LCOR: variants seen among roughly 807,000 people sequenced by gnomAD.
LCOR encodes ligand-dependent corepressor.
In LCOR, 14 loss-of-function variants were observed where a neutral mutation model predicts 64.4. That is an observed-to-expected ratio of 0.22 (90% CI 0.14 to 0.34). The LOEUF is 0.34. Ranked by LOEUF, LCOR falls within the 10% of genes least tolerant of loss-of-function variation. The pLI is 1.00. For synonymous variants in LCOR, 643 were observed against 642.5 expected, an observed-to-expected ratio of 1.00 and a Z score of -0.01; for missense variants, 1,686 against 1,765.3, an observed-to-expected ratio of 0.96 and a Z score of 0.80.
chr10:96,876,712 G>T (rs1454298222), intron 2 of LCOR, among the ~76,000 whole-genome samples: 1 of 151,928 alleles, frequency 6.6e-6, no homozygotes, highest in African/African-American at 2.4e-5. Context: ...CTTTTGAGAC[G>T]GAGTTTCGCT....
rs115593627 is a variant in LCOR at position 96,895,946 on chromosome 10, G to T, written c.-329-11319G>T. On this transcript the variant is annotated intron_variant, in intron 2 of 7. Coordinates refer to ENST00000421806, the MANE Select transcript of LCOR (RefSeq NM_001346516.2). Reference sequence around the variant, plus strand: ...AAAATTTAAAAATTAACTAGCTGTTGTGATGCATGCCTGTAGTCCAAGCTG... The same window carrying T: ...AAAATTTAAAAATTAACTAGCTGTTTTGATGCATGCCTGTAGTCCAAGCTG... Among the ~76,000 whole-genome samples, 778 of 152,240 alleles carry T rather than the reference G, an allele frequency of 5.1e-3. 7 individuals are homozygous for T. The highest frequency in any genetic ancestry group is 0.018 in the African/African-American group (737 of 41,524).
At chr10:96,846,730 TA>T (rs1845636283) in intron 2 of LCOR, among the ~76,000 whole-genome samples, 1 of 152,172 alleles carries the variant, frequency 6.6e-6, no homozygotes, top group African/African-American at 2.4e-5. Flanking sequence ...TTAAAATAAA[TA>T]GACATATACT....
intron 2 of LCOR, among the ~76,000 whole-genome samples, chr10:96,905,607 A>AC (rs1322303026): frequency 5.9e-5 from 9 of 151,776 alleles, no homozygotes; most frequent in African/African-American, 2.2e-4. Flanking sequence ...CCACAGCCCT[A>AC]CCCCAACCCT....
intron 2 of LCOR, among the ~76,000 whole-genome samples, chr10:96,891,530 C>CTTT (rs71007307): frequency 3.9e-4 from 3 of 7,642 alleles, no homozygotes; most frequent in African/African-American, 8.3e-4. Context: ...TGTCTTGACT[C>CTTT]TTTTTTTTTT....
intron 2 of LCOR, among the ~76,000 whole-genome samples, chr10:96,886,343 A>G (rs867994641): frequency 6.6e-6 from 1 of 152,162 alleles, no homozygotes; most frequent in East Asian, 1.9e-4. Context: ...TATTTGAGTT[A>G]TGCTTACCAG....
At chr10:96,844,430 T>C (rs1845593356) in intron 2 of LCOR, among the ~76,000 whole-genome samples, 1 of 152,074 alleles carries the variant, frequency 6.6e-6, no homozygotes, top group Non-Finnish European at 1.5e-5. Context: ...CCCGTCTTTG[T>C]TTCTAATTAC....
intron 2 of LCOR, among the ~76,000 whole-genome samples, chr10:96,884,457 C>T (rs753959218): frequency 2.0e-5 from 3 of 152,152 alleles, no homozygotes; most frequent in Non-Finnish European, 4.4e-5. Flanking sequence ...TTCTCTGTAC[C>T]TCGGAAGAGA....
intron 2 of LCOR, among the ~76,000 whole-genome samples, chr10:96,905,950 C>T (rs1846719700): frequency 6.6e-6 from 1 of 152,146 alleles, no homozygotes; most frequent in Non-Finnish European, 1.5e-5. Flanking sequence ...CCATCTTCTT[C>T]TTCTTATAGC....
In LCOR at chr10:96,832,331, G is replaced by T. The variant is rs1027449967; in HGVS notation, c.-472G>T. The T allele has an allele frequency of 1.0e-6, 1 of 984,570 alleles. No homozygotes were observed. Among genetic ancestry groups the T allele is most frequent in the Non-Finnish European group, 1.2e-6 (1 of 829,638 alleles). The allele number at this position is 984,570 out of a possible 1,614,324, so 61.0% of individuals were successfully genotyped here. On this transcript the variant is annotated 5_prime_UTR_variant, in exon 1 of 8. The change abolishes an upstream ATG in the 5' untranslated region. Coordinates refer to ENST00000421806, the MANE Select transcript of LCOR (RefSeq NM_001346516.2). ...GCGAGGGTGTGTAGGCGGCAGCAATGCTCCGTTGAGAGACGCGGCTTTCGG... is the reference window on the plus strand; with the variant it reads ...GCGAGGGTGTGTAGGCGGCAGCAATTCTCCGTTGAGAGACGCGGCTTTCGG...
chr10:96,969,103 G>T (rs1350967122), intron 7 of LCOR, among the ~76,000 whole-genome samples: 1 of 152,194 alleles, frequency 6.6e-6, no homozygotes, highest in Non-Finnish European at 1.5e-5. Context: ...ACTGTGGCAG[G>T]CTCTTTGCAA....
intron 7 of LCOR, among the ~76,000 whole-genome samples, chr10:96,974,200 A>G (rs1848020143): frequency 6.6e-6 from 1 of 152,230 alleles, no homozygotes; most frequent in South Asian, 2.1e-4. Flanking sequence ...CATGGAACTG[A>G]AGATAGGAAG....
At chr10:96,943,386 C>T (rs1468546487) in intron 4 of LCOR, among the ~76,000 whole-genome samples, 1 of 152,208 alleles carries the variant, frequency 6.6e-6, no homozygotes, top group Admixed American at 6.5e-5. Flanking sequence ...CATGAGCCAC[C>T]TCGCCTGGTC....
chr10:96,855,937 T>G (rs1426292528), intron 2 of LCOR, among the ~76,000 whole-genome samples: 1 of 149,628 alleles, frequency 6.7e-6, no homozygotes, highest in African/African-American at 2.5e-5. Flanking sequence ...AGTTACAGAG[T>G]TTCTCCATGT....
chr10:96,956,231 G>GA, intron 7 of LCOR: 1 of 1,030,800 alleles, frequency 9.7e-7, no homozygotes, highest in Non-Finnish European at 1.2e-6. Flanking sequence ...ATGCTTTTTT[G>GA]TTTTTTTTTG....
chr10:96,931,890 A>G (rs1847267435), intron 4 of LCOR, among the ~76,000 whole-genome samples: 1 of 152,184 alleles, frequency 6.6e-6, no homozygotes, highest in Admixed American at 6.6e-5. Flanking sequence ...GTAAATTTAA[A>G]CAGTTCCTAA....
chr10:96,920,413 T>TTC (rs1847028853), intron 4 of LCOR, among the ~76,000 whole-genome samples: 5 of 137,930 alleles, frequency 3.6e-5, no homozygotes, highest in Admixed American at 3.1e-4. Context: ...TGTATATATG[T>TTC]ATATATATTC....
intron 7 of LCOR, 101 bp from the exon 8 acceptor site, chr10:96,980,692 A>T (rs1848076187): frequency 1.2e-5 from 7 of 593,720 alleles, no homozygotes; most frequent in Admixed American, 6.0e-5. Context: ...ACAAAAAATA[A>T]ATAAATAATA....
intron 4 of LCOR, among the ~76,000 whole-genome samples, chr10:96,930,480 G>C (rs111434335): frequency 1.3e-5 from 2 of 152,148 alleles, no homozygotes; most frequent in African/African-American, 4.8e-5. Flanking sequence ...GAATTGCCAC[G>C]TCAGTAGTGG....
intron 2 of LCOR, among the ~76,000 whole-genome samples, chr10:96,861,929 C>T (rs1423743279): frequency 1.3e-5 from 2 of 152,298 alleles, no homozygotes; most frequent in East Asian, 3.9e-4. Flanking sequence ...GACCCTCCTC[C>T]TTCAGACAGC....
Sources: allele counts gnomAD v4.1 joint callset (sites outside exome capture counted in the v4.1 genomes callset), GRCh38; gene constraint gnomAD v4.1.1; transcripts MANE v1.5; gene names NCBI Gene and HGNC (gene_info 2026-07-23, HGNC 2026-07-21).